CHIC2: variants seen among roughly 807,000 people sequenced by gnomAD.
CHIC2 encodes cysteine rich hydrophobic domain 2, also known as cysteine-rich hydrophobic domain-containing protein 2.
In CHIC2, 14 loss-of-function variants were observed where a neutral mutation model predicts 25.9. The ratio of observed to expected loss-of-function variants is 0.54; its 90% CI spans 0.36 to 0.85. The LOEUF is 0.85. Ranked by LOEUF, CHIC2 falls within the 40% of genes least tolerant of loss-of-function variation. The probability of loss-of-function intolerance (pLI) is 0.01; values close to 1 mark genes in which losing one functional copy is unlikely to be tolerated. For synonymous variants in CHIC2, 70 were observed against 72.0 expected (o/e 0.97, Z 0.14); for missense variants, 146 against 202.0 (o/e 0.72, Z 1.68).
chr4:54,085,939 A>G, the CHIC2 span, among the ~76,000 whole-genome samples: 2 of 152,220 alleles, frequency 1.3e-5, no homozygotes, highest in East Asian at 1.9e-4. Context: ...TATTGTGGAA[A>G]TAACAGTTAA....
At chr4:54,087,076 C>A in the CHIC2 span, 3 of 1,086,736 alleles carry the variant, frequency 2.8e-6, no homozygotes, top group East Asian at 2.4e-5. Flanking sequence ...AATCTTGAAC[C>A]ACCTCTCTCA....
rs571685459 is a variant in CHIC2, at chr4:54,038,939, C to T, written c.330+10016G>A. On this transcript the variant is annotated intron_variant, in intron 3 of 5. Transcript: ENST00000263921. ...AAGATAGACATACAAATCAATAGAA[C>T]AGAATAGAGTATGGAAAGAGACCTA... Among the ~76,000 whole-genome samples the T allele has an allele frequency of 4.2e-5, 6 of 143,982 alleles. No homozygotes were observed. The South Asian group carries it at 1.3e-3, about 32-fold the overall frequency. 94.5% of individuals were successfully genotyped at this position (143,982 alleles called of 152,430 possible).
At chr4:54,059,929 A>G (rs1398167230) in intron 1 of CHIC2, 1 of 152,238 alleles carries the variant, frequency 6.6e-6, no homozygotes, top group African/African-American at 2.4e-5. Flanking sequence ...ATTTCAAAAC[A>G]GAAAGCTTAA....
At chr4:54,031,452 C>A (rs1420750843) in intron 3 of CHIC2, among the ~76,000 whole-genome samples, 1 of 151,938 alleles carries the variant, frequency 6.6e-6, no homozygotes, top group Admixed American at 6.6e-5. Context: ...ATTTATTGAA[C>A]ACCAAGTAGA....
chr4:54,036,642 A>T (rs193183400), intron 3 of CHIC2, among the ~76,000 whole-genome samples: 3 of 152,066 alleles, frequency 2.0e-5, no homozygotes, highest in Non-Finnish European at 4.4e-5. Context: ...ACATACCCCA[A>T]CTCTTTAAAA....
the CHIC2 span, among the ~76,000 whole-genome samples, chr4:54,078,031 T>G: frequency 6.6e-6 from 1 of 152,324 alleles, no homozygotes; most frequent in South Asian, 2.1e-4. Context: ...AAGTCAAAAT[T>G]TTTTTGATGA....
intron 3 of CHIC2, among the ~76,000 whole-genome samples, chr4:54,015,594 T>C (rs1715714726): frequency 6.6e-6 from 1 of 152,172 alleles, no homozygotes; most frequent in African/African-American, 2.4e-5. Context: ...AATTGCCATC[T>C]GAATGCTGAA....
At chr4:54,037,636 C>G (rs973707691) in intron 3 of CHIC2, among the ~76,000 whole-genome samples, 1 of 151,998 alleles carries the variant, frequency 6.6e-6, no homozygotes, top group Admixed American at 6.6e-5. Flanking sequence ...TTTGAACATG[C>G]CATTACCAAA....
the CHIC2 span, among the ~76,000 whole-genome samples, chr4:54,074,485 CA>C: frequency 6.6e-6 from 1 of 151,972 alleles, no homozygotes; most frequent in East Asian, 1.9e-4. Flanking sequence ...TAGTTATAAT[CA>C]TGTTGGCCTT....
chr4:54,052,268 T>C (rs1211781431), intron 1 of CHIC2, among the ~76,000 whole-genome samples: 1 of 152,206 alleles, frequency 6.6e-6, no homozygotes, highest in Non-Finnish European at 1.5e-5. Context: ...TCTAATGATT[T>C]ATTTTTGACA....
intron 3 of CHIC2, among the ~76,000 whole-genome samples, chr4:54,032,942 A>T (rs185198195): frequency 4.0e-4 from 61 of 152,328 alleles, no homozygotes; most frequent in Middle Eastern, 3.4e-3. Context: ...ATGGGGGCAG[A>T]TAACTTCACA....
chr4:54,019,619 CAT>C (rs1280793405), intron 3 of CHIC2, among the ~76,000 whole-genome samples: 2 of 152,088 alleles, frequency 1.3e-5, no homozygotes, highest in Non-Finnish European at 1.5e-5. Flanking sequence ...AAAAAAGAAA[CAT>C]GTACACAAAC....
intron 3 of CHIC2, among the ~76,000 whole-genome samples, chr4:54,032,309 A>C (rs1266131648): frequency 8.9e-6 from 1 of 112,684 alleles, no homozygotes; most frequent in African/African-American, 3.5e-5. Context: ...TCTCCCTCTG[A>C]TGCCGAGCCG....
intron 3 of CHIC2, among the ~76,000 whole-genome samples, chr4:54,040,133 G>A (rs1716518001): frequency 6.6e-6 from 1 of 152,126 alleles, no homozygotes; most frequent in African/African-American, 2.4e-5. Context: ...GATTCTGGTG[G>A]TGGTTACAAA....
At chr4:54,058,549 T>TACACACATACACACACACACACACACAC (rs1176285644) in intron 1 of CHIC2, among the ~76,000 whole-genome samples, 1 of 126,924 alleles carries the variant, frequency 7.9e-6, no homozygotes, top group African/African-American at 2.9e-5. Flanking sequence ...CATACACACA[T>TACACACATACACACACACACACACACAC]ACACACACAT....
At chr4:54,039,788 A>G (rs1321245724) in intron 3 of CHIC2, among the ~76,000 whole-genome samples, 1 of 152,226 alleles carries the variant, frequency 6.6e-6, no homozygotes, top group Non-Finnish European at 1.5e-5. Context: ...CTGGAAAGTC[A>G]GTGTCTTCAA....
Position 54,064,254 on chromosome 4 carries a change from C to G in CHIC2, c.47G>C (p.Arg16Pro). ...EIYEEEEDEE[R>P]ALEEQLLKYS... ...CTTGAGCAGCTGCTCCTCCAGGGCC[C>G]GCTCCTCGTCCTCCTCTTCCTCATA... Residue 16 changes from arginine to proline, a missense_variant, in exon 1 of 6, where the codon CGG becomes CCG. Transcript: ENST00000263921. This position sits in a 1 kb window ranked among gnomAD's most constrained non-coding sequence, Gnocchi z 4.2. 1.2e-6 allele frequency: 2 copies of G among 1,611,360 alleles called. No individual in the cohort carries two copies. Among genetic ancestry groups the G allele is most frequent in the Non-Finnish European group, 1.7e-6 (2 of 1,178,882 alleles).
chr4:54,066,840 G>A (rs1281206221), upstream of CHIC2, among the ~76,000 whole-genome samples: 1 of 152,248 alleles, frequency 6.6e-6, no homozygotes, highest in East Asian at 1.9e-4. Context: ...GAGAATAAGA[G>A]GAAATAAGGT....
At chr4:54,031,594 T>C (rs1716229920) in intron 3 of CHIC2, among the ~76,000 whole-genome samples, 1 of 149,854 alleles carries the variant, frequency 6.7e-6, no homozygotes. Flanking sequence ...CTATATTAAG[T>C]AGCCTAGATG....
Sources: allele counts gnomAD v4.1 joint callset (sites outside exome capture counted in the v4.1 genomes callset), GRCh38; gene constraint gnomAD v4.1.1; non-coding constraint Gnocchi (gnomAD v3.1); transcripts MANE v1.5; gene names NCBI Gene and HGNC (gene_info 2026-07-23, HGNC 2026-07-21).